The following DENND4A variants were observed in gnomAD, a reference collection of about 807,000 sequenced individuals.
DENND4A encodes DENN domain containing 4A.
A neutral mutation model predicts 199.3 loss-of-function variants in DENND4A; 70 were observed. The ratio of observed to expected loss-of-function variants is 0.35; its 90% CI spans 0.29 to 0.43. The LOEUF (loss-of-function observed/expected upper bound fraction) is 0.43. Among genes scored for constraint, DENND4A ranks in the 20% least tolerant of loss-of-function variants. The pLI is 1.00. For synonymous variants in DENND4A, 686 were observed against 766.9 expected (o/e 0.89, Z 1.74); for missense variants, 1,723 against 2,255.8 (o/e 0.76, Z 4.78).
chr15:65,692,833 A>G (rs1286125207), intron 22 of DENND4A, among the ~76,000 whole-genome samples: 4 of 152,186 alleles, frequency 2.6e-5, no homozygotes, highest in African/African-American at 9.6e-5. Flanking sequence ...ATAGATGTGC[A>G]AGGGTTCCTT....
chr15:65,718,775 T>G (rs867962451), intron 12 of DENND4A, among the ~76,000 whole-genome samples: 23 of 125,718 alleles, frequency 1.8e-4, no homozygotes, highest in African/African-American at 6.9e-4. Flanking sequence ...TTTTTTTTTT[T>G]TTTTTTTTTT....
In DENND4A at chr15:65,732,743, A is replaced by C. The variant is rs761760103; in HGVS notation, c.1107+9T>G. 3.2e-6 allele frequency: 5 copies of C among 1,573,134 alleles called. No individual in the cohort carries two copies. Among genetic ancestry groups the C allele is most frequent in the Non-Finnish European group, 4.4e-6 (5 of 1,147,816 alleles). ...ATAGGTCCCCCAATCAAAAACAAAA[A>C]AACCTTACCTGAACTAAAATCCGTG... is the stretch of plus-strand genomic sequence containing the variant. On this transcript the variant is annotated intron_variant, in intron 8 of 32. Coordinates refer to ENST00000443035, the MANE Select transcript of DENND4A (RefSeq NM_001320835.1).
At position 65,723,131 on chromosome 15, in the gene DENND4A, A is replaced by C. The variant is rs552086362; in HGVS notation, c.1488-183T>G. 3.3e-5 allele frequency among the ~76,000 whole-genome samples: 5 copies of C among 152,318 alleles called. No individual in the cohort carries two copies. In the South Asian group the frequency reaches 1.0e-3, roughly 32 times the overall value. On this transcript the variant is annotated intron_variant, in intron 11 of 32. Transcript: ENST00000443035. ...TAAATTGGCATGTTGAATATACAAA[A>C]ATTAATTTGTATGAGGGTAGAACCT...
rs750510797 is a variant in DENND4A, at chr15:65,696,389, C to T, written c.3059G>A (p.Gly1020Asp). 18 of 1,612,016 alleles carry T rather than the reference C, an allele frequency of 1.1e-5. No homozygotes were observed. The highest frequency in any genetic ancestry group is 1.4e-5 in the Non-Finnish European group (16 of 1,178,724). ...ACCCATGCTTTCTCCTGATATTTTACCAGCACTGTTGTTACTTGTACCAGT... is the reference window on the plus strand; with the variant it reads ...ACCCATGCTTTCTCCTGATATTTTATCAGCACTGTTGTTACTTGTACCAGT... ...RLTGTSNNSA[G>D]KISGESMEST... Residue 1020 changes from glycine (G) to aspartate (D), a missense_variant, in exon 22 of 33, where the codon GGT (glycine) becomes GAT (aspartate). By Grantham distance (94) the Gly-to-Asp change is moderately conservative. This residue lies in a region of DENND4A where 650 missense variants were observed against 738.1 expected (regional missense o/e 0.88). Transcript: ENST00000443035.
intron 1 of DENND4A, among the ~76,000 whole-genome samples, chr15:65,791,309 G>C (rs1039897672): frequency 6.6e-6 from 1 of 152,174 alleles, no homozygotes; most frequent in South Asian, 2.1e-4. Context: ...CAGCACATCT[G>C]TCATTTAAAA....
chr15:65,685,485 T>C (rs941385537), intron 23 of DENND4A, among the ~76,000 whole-genome samples: 1 of 152,216 alleles, frequency 6.6e-6, no homozygotes, highest in South Asian at 2.1e-4. Flanking sequence ...TTAATGCTTG[T>C]ATATAAGTTG....
intron 18 of DENND4A, 104 bp downstream of exon 18, chr15:65,701,657 AC>A (rs2074872111): frequency 1.0e-6 from 1 of 989,586 alleles, no homozygotes; most frequent in Non-Finnish European, 1.5e-6. Flanking sequence ...TATTTTATAT[AC>A]TCTAAAATAA....
Position 65,741,780 on chromosome 15 carries a change from C to A in DENND4A, c.566G>T (p.Gly189Val), listed in dbSNP as rs1438372746. The part of the protein sequence containing the change: ...VDKNLNNSMW[G>V]SAVYLCYKKS... ...TTTATAACACAAGTATACTGCTGAT[C>A]CCCACTGGATTTAAAAAAATAGAAA... The change falls in exon 5 of 33, where the codon GGA (glycine) becomes GTA (valine). Residue 189 changes from glycine (G) to valine (V), a missense_variant. Transcript: ENST00000443035. The A allele has an allele frequency of 1.2e-6, 2 of 1,610,056 alleles. No homozygotes were observed. The highest frequency in any genetic ancestry group is 2.7e-5 in the African/African-American group (2 of 74,824).
At chr15:65,718,579 C>T (rs12592786) in intron 12 of DENND4A, among the ~76,000 whole-genome samples, 26 of 151,636 alleles carry the variant, frequency 1.7e-4, no homozygotes, top group Admixed American at 2.6e-4. Flanking sequence ...ACCTGACATA[C>T]GAATAAGGAG....
intron 12 of DENND4A, among the ~76,000 whole-genome samples, chr15:65,718,711 T>A (rs1413907445): frequency 1.3e-5 from 2 of 151,626 alleles, no homozygotes; most frequent in African/African-American, 2.4e-5. Context: ...TTTGAAAATA[T>A]TTCAAAAACT....
intron 2 of DENND4A, among the ~76,000 whole-genome samples, chr15:65,759,753 A>C (rs74890395): frequency 0.042 from 6,437 of 152,236 alleles, 225 homozygotes; most frequent in Non-Finnish European, 0.063. Flanking sequence ...CCAATTGACC[A>C]TCTATTTATT....
rs115607694 is a variant in DENND4A, at chr15:65,693,004, C to G, written c.3083-1493G>C. ...GCAAAGGGTTGTAAAAATCATGCAC[C>G]CAGAAGAACAGGTAACAGAGATTCT... On this transcript the variant is annotated intron_variant, in intron 22 of 32. Transcript: ENST00000443035. 2.6e-3 allele frequency among the ~76,000 whole-genome samples: 391 copies of G among 152,078 alleles called. 1 individual carries two copies. Among genetic ancestry groups the G allele is most frequent in the African/African-American group, 9.1e-3 (377 of 41,454 alleles).
intron 23 of DENND4A, among the ~76,000 whole-genome samples, chr15:65,687,379 A>G (rs1001238579): frequency 6.6e-6 from 1 of 152,074 alleles, no homozygotes; most frequent in Non-Finnish European, 1.5e-5. Flanking sequence ...TGTTTTGGAC[A>G]ATTATAGGTT....
intron 1 of DENND4A, among the ~76,000 whole-genome samples, chr15:65,790,407 A>G (rs1041423641): frequency 1.3e-5 from 2 of 152,242 alleles, no homozygotes; most frequent in African/African-American, 4.8e-5. Context: ...TGGTATCAAG[A>G]TCAATTAACT....
Position 65,665,331 on chromosome 15 carries a change from A to G in DENND4A, c.5359+14T>C, listed in dbSNP as rs1278219184. ...CTCATATGAACAAAGTCAGCATTCTATGATGGCACTTACTGTGTGCATTCC... is the reference window on the plus strand; with the variant it reads ...CTCATATGAACAAAGTCAGCATTCTGTGATGGCACTTACTGTGTGCATTCC... On this transcript the variant is annotated intron_variant, in intron 30 of 32. Coordinates refer to ENST00000443035, the MANE Select transcript of DENND4A (RefSeq NM_001320835.1). 6.2e-7 allele frequency: 1 copy of G among 1,600,026 alleles called. No individual in the cohort carries two copies.
intron 10 of DENND4A, 118 bp from the exon 11 acceptor site, chr15:65,729,365 TGA>T: frequency 7.3e-7 from 1 of 1,375,360 alleles, no homozygotes; most frequent in Non-Finnish European, 1.0e-6. Flanking sequence ...TGATAATGAA[TGA>T]AATAATTATA....
rs368434376 is a variant in DENND4A, at chr15:65,664,523, T to C, written c.5522+37A>G. 39 of 1,591,670 alleles carry C rather than the reference T, an allele frequency of 2.5e-5. No homozygotes were observed. The African/African-American group carries it at 3.9e-4, about 16-fold the overall frequency. Reference sequence around the variant, plus strand: ...ACTAAGCAAACAATATGAATCTGCCTAGGAGAACAATATATTCGTCTAAGA... The same window carrying C: ...ACTAAGCAAACAATATGAATCTGCCCAGGAGAACAATATATTCGTCTAAGA... On this transcript the variant is annotated intron_variant, in intron 31 of 32. Coordinates refer to ENST00000443035, the MANE Select transcript of DENND4A (RefSeq NM_001320835.1).
intron 1 of DENND4A, chr15:65,772,238 T>C (rs2077153501): frequency 1.7e-6 from 1 of 577,290 alleles, no homozygotes; most frequent in African/African-American, 1.9e-5. Flanking sequence ...AAATCATGAC[T>C]CTGATTCTCT....
At chr15:65,713,732 C>A (rs947248619) in intron 14 of DENND4A, among the ~76,000 whole-genome samples, 2 of 152,210 alleles carry the variant, frequency 1.3e-5, no homozygotes, top group Admixed American at 1.3e-4. Flanking sequence ...CATGTCTCAT[C>A]ATTCTTAGAG....
Sources: allele counts gnomAD v4.1 joint callset (sites outside exome capture counted in the v4.1 genomes callset), GRCh38; gene constraint gnomAD v4.1.1; regional missense constraint gnomAD v4.1.1; transcripts MANE v1.5; gene names NCBI Gene and HGNC (gene_info 2026-07-23, HGNC 2026-07-21).